The following MTMR8 variants were observed in gnomAD, a reference collection of about 807,000 sequenced individuals.
The protein encoded by MTMR8 is myotubularin related protein 8.
A neutral mutation model predicts 39.3 loss-of-function variants in MTMR8; 65 were observed. The observed-to-expected ratio is 1.65, with a 90% CI of 1.35 to 2.03. The LOEUF is 2.03. Among genes scored for constraint, MTMR8 ranks in the 30% most tolerant of loss-of-function variants. The pLI is 0.00. For missense variants in MTMR8, 777 were observed against 538.9 expected (o/e 1.44, Z -4.37); for synonymous variants, 245 against 185.2 (o/e 1.32, Z -2.62).
At chrX:64,303,482 A>C (rs1240223358) in intron 12 of MTMR8, among the ~76,000 whole-genome samples, 6 of 112,273 alleles carry the variant, frequency 5.3e-5, no homozygotes, top group Non-Finnish European at 9.4e-5. Flanking sequence ...TGATTTTTAA[A>C]CACAAAGTAG....
chrX:64,381,311 A>T (rs1027763733), intron 1 of MTMR8, among the ~76,000 whole-genome samples: 1 of 111,717 alleles, frequency 9.0e-6, no homozygotes, highest in African/African-American at 3.3e-5. Flanking sequence ...GTGGTATCTC[A>T]TTGTGGTTTA....
chrX:64,345,901 A>G (rs984611485), intron 6 of MTMR8, among the ~76,000 whole-genome samples: 2 of 112,521 alleles, frequency 1.8e-5, no homozygotes, highest in African/African-American at 6.5e-5. Flanking sequence ...TTACAGGCAT[A>G]AGCCACCACA....
At position 64,304,254 on chromosome X, in the gene MTMR8, A is replaced by G. The variant is rs1484486207; in HGVS notation, c.1481+24518T>C. Among the ~76,000 whole-genome samples, 35 of 108,728 alleles carry G rather than the reference A, an allele frequency of 3.2e-4. 1 individual carries two copies. In the Admixed American group the frequency reaches 3.3e-3, roughly 10 times the overall value. 94.4% of individuals were successfully genotyped at this position (108,728 alleles called of 115,157 possible). Reference sequence around the variant, plus strand: ...AACAAATGTCTGCTGCTGATCCAGTATTTGTTTTTATGTCCAGTGTACATT... The same window carrying G: ...AACAAATGTCTGCTGCTGATCCAGTGTTTGTTTTTATGTCCAGTGTACATT... On this transcript the variant is annotated intron_variant, in intron 12 of 13. Coordinates refer to ENST00000374852, the MANE Select transcript of MTMR8 (RefSeq NM_017677.4).
intron 1 of MTMR8, among the ~76,000 whole-genome samples, chrX:64,380,739 C>A (rs1924391031): frequency 9.0e-6 from 1 of 111,465 alleles, no homozygotes; most frequent in Non-Finnish European, 1.9e-5. Flanking sequence ...TGCTATCCCT[C>A]CCCCCTCCTT....
intron 1 of MTMR8, among the ~76,000 whole-genome samples, chrX:64,384,439 C>T (rs751313345): frequency 8.9e-6 from 1 of 111,835 alleles, no homozygotes; most frequent in South Asian, 3.8e-4. Context: ...CCCTACATTT[C>T]TCCTCTATAC....
At chrX:64,334,946 G>A (rs1050114909) in intron 10 of MTMR8, among the ~76,000 whole-genome samples, 1 of 111,502 alleles carries the variant, frequency 9.0e-6, no homozygotes, top group African/African-American at 3.3e-5. Context: ...GATGAGATAG[G>A]AACTATATCT....
chrX:64,340,590 G>A (rs899118450), intron 8 of MTMR8, among the ~76,000 whole-genome samples: 15 of 111,595 alleles, frequency 1.3e-4, no homozygotes, highest in South Asian at 3.8e-4. Context: ...AGAAAAAATC[G>A]TATTCCTAGA....
intron 12 of MTMR8, among the ~76,000 whole-genome samples, chrX:64,314,113 G>T (rs754866987): frequency 4.6e-4 from 52 of 112,504 alleles, no homozygotes; most frequent in African/African-American, 1.7e-3. Flanking sequence ...CCTCTGCTTT[G>T]TTCTTTGGCT....
chrX:64,294,708 A>T (rs745748995), intron 12 of MTMR8, among the ~76,000 whole-genome samples: 1 of 111,859 alleles, frequency 8.9e-6, no homozygotes, highest in Admixed American at 9.5e-5. Context: ...TACTTCATAG[A>T]TGACTGTCTT....
At chrX:64,351,896 G>T (rs918828679) in intron 4 of MTMR8, among the ~76,000 whole-genome samples, 2 of 110,492 alleles carry the variant, frequency 1.8e-5, no homozygotes, top group South Asian at 7.8e-4. Flanking sequence ...ATTAAGGGTG[G>T]GTCTGCCTCT....
Position 64,298,628 on chromosome X carries a change from G to T in MTMR8, c.1482-27555C>A, listed in dbSNP as rs1431912293. Reference sequence around the variant, plus strand: ...TTCCAACACTATGTTGAATAGGAGTGGTGAGAGAGGGCATCCCTGTCTGTT... The same window carrying T: ...TTCCAACACTATGTTGAATAGGAGTTGTGAGAGAGGGCATCCCTGTCTGTT... On this transcript the variant is annotated intron_variant, in intron 12 of 13. Transcript: ENST00000374852. 3.1e-5 allele frequency among the ~76,000 whole-genome samples: 3 copies of T among 95,309 alleles called. 1 individual carries two copies. The highest frequency in any genetic ancestry group is 1.2e-4 in the African/African-American group (2 of 16,224). 82.8% of individuals were successfully genotyped at this position (95,309 alleles called of 115,157 possible). A position where few individuals can be genotyped will look rare whatever the true frequency, so the allele number is the denominator to read the frequency against.
Position 64,359,535 on chromosome X carries a change from T to C in MTMR8, c.25-8A>G, listed in dbSNP as rs1923721980. The stretch of plus-strand genomic sequence containing the variant: ...CAATTTCACGTTTTCTACCTGTTAT[T>C]GGAGGAAAAAATACTGAATAAGTTA... On this transcript the variant is annotated splice_region_variant and splice_polypyrimidine_tract_variant and intron_variant, in intron 1 of 13. Coordinates refer to ENST00000374852, the MANE Select transcript of MTMR8 (RefSeq NM_017677.4). 2 of 1,195,760 alleles carry C rather than the reference T, an allele frequency of 1.7e-6. No individual in the cohort carries two copies. Among genetic ancestry groups the C allele is most frequent in the African/African-American group, 3.5e-5 (2 of 57,264 alleles).
chrX:64,277,442 G>T (rs1240132797), intron 12 of MTMR8, among the ~76,000 whole-genome samples: 1 of 111,773 alleles, frequency 8.9e-6, no homozygotes, highest in Non-Finnish European at 1.9e-5. Flanking sequence ...CAGGCCTGGT[G>T]GTGACAAAAT....
chrX:64,384,595 C>A (rs1016471008), intron 1 of MTMR8, among the ~76,000 whole-genome samples: 1 of 112,569 alleles, frequency 8.9e-6, no homozygotes, highest in Non-Finnish European at 1.9e-5. Context: ...AAGCTTAACA[C>A]CATGTGGAAG....
In MTMR8 at chrX:64,268,258, C is replaced by A. The variant is rs963502164; in HGVS notation, c.*279G>T. On this transcript the variant is annotated 3_prime_UTR_variant, in exon 14 of 14. Coordinates refer to ENST00000374852, the MANE Select transcript of MTMR8 (RefSeq NM_017677.4). ...TCATTAAGGAAAACAGACAGTAGAA[C>A]CAGCTTAATATGTGTCTCAGCTGAG... 7.5e-5 allele frequency: 24 copies of A among 319,357 alleles called. No individual in the cohort carries two copies. In the Admixed American group the frequency reaches 1.2e-3, roughly 15 times the overall value. 26.3% of individuals were successfully genotyped at this position (319,357 alleles called of 1,213,427 possible).
At chrX:64,375,047 CAAAAAAA>C (rs34716248) in intron 1 of MTMR8, among the ~76,000 whole-genome samples, 1,621 of 55,994 alleles carry the variant, frequency 0.029, 35 homozygotes, top group African/African-American at 0.085. Context: ...TTGTTTTAAG[CAAAAAAA>C]AAAAAAAAAA....
At chrX:64,298,563 C>G (rs1351228521) in intron 12 of MTMR8, among the ~76,000 whole-genome samples, 2 of 86,142 alleles carry the variant, frequency 2.3e-5, no homozygotes, top group Non-Finnish European at 2.0e-5. Context: ...AATTGAATAC[C>G]CTTTATTTCC....
intron 12 of MTMR8, among the ~76,000 whole-genome samples, chrX:64,289,421 G>A (rs1921319017): frequency 1.8e-5 from 2 of 109,964 alleles, no homozygotes; most frequent in Admixed American, 2.0e-4. Context: ...TCCACTTCCA[G>A]ATACGTATCA....
chrX:64,308,680 A>G (rs140320505), intron 12 of MTMR8, among the ~76,000 whole-genome samples: 237 of 111,185 alleles, frequency 2.1e-3, no homozygotes, highest in Middle Eastern at 4.6e-3. Context: ...ATTTCTATAA[A>G]TGTCATGTGC....
Sources: allele counts gnomAD v4.1 joint callset (sites outside exome capture counted in the v4.1 genomes callset), GRCh38; gene constraint gnomAD v4.1.1; transcripts MANE v1.5; gene names NCBI Gene and HGNC (gene_info 2026-07-23, HGNC 2026-07-21).